ADAMTS17: variants seen among roughly 807,000 people sequenced by gnomAD.
ADAMTS17 encodes the protein ADAM metallopeptidase with thrombospondin type 1 motif 17, also known as A disintegrin and metalloproteinase with thrombospondin motifs 17.
In ADAMTS17, 113 loss-of-function variants were observed where a neutral mutation model predicts 141.5. That is an observed-to-expected ratio of 0.80 (90% CI 0.69 to 0.93). The LOEUF is 0.93. ADAMTS17 is among the 40% of genes least tolerant of loss of function. The probability of loss-of-function intolerance (pLI) is 0.00; values close to 1 mark genes in which losing one functional copy is unlikely to be tolerated. For missense variants in ADAMTS17, 1,659 were observed against 1,517.9 expected, an observed-to-expected ratio of 1.09 and a Z score of -1.54; for synonymous variants, 768 against 630.6, an observed-to-expected ratio of 1.22 and a Z score of -3.27.
chr15:100,033,857 G>A (rs1267523346), intron 18 of ADAMTS17, among the ~76,000 whole-genome samples: 1 of 152,168 alleles, frequency 6.6e-6, no homozygotes, highest in South Asian at 2.1e-4. Flanking sequence ...CTGTGGCCCA[G>A]CAAGGCCCAA....
intron 3 of ADAMTS17, among the ~76,000 whole-genome samples, chr15:100,316,491 G>C (rs528664981): frequency 6.6e-6 from 1 of 152,068 alleles, no homozygotes. Context: ...CAACAATCTT[G>C]ACACACACTC....
At chr15:99,984,186 C>T (rs578174495) in intron 20 of ADAMTS17, among the ~76,000 whole-genome samples, 49 of 152,290 alleles carry the variant, frequency 3.2e-4, no homozygotes, top group African/African-American at 1.1e-3. Context: ...GCCAGGGAAC[C>T]AGGAGGCTGA....
intron 6 of ADAMTS17, among the ~76,000 whole-genome samples, chr15:100,259,384 G>A (rs142556909): frequency 1.1e-3 from 160 of 152,300 alleles, no homozygotes; most frequent in Middle Eastern, 0.01. Context: ...CCTCACAGTC[G>A]CCAAATGCCA....
chr15:100,048,421 C>T (rs926009409), intron 18 of ADAMTS17, among the ~76,000 whole-genome samples: 5 of 152,026 alleles, frequency 3.3e-5, no homozygotes, highest in African/African-American at 1.2e-4. Flanking sequence ...GAATAAACAC[C>T]AAGATCCACA....
chr15:100,148,691 T>A (rs4965287), intron 10 of ADAMTS17, among the ~76,000 whole-genome samples: 146,524 of 152,148 alleles, frequency 0.96, 70,778 homozygotes, highest in East Asian at 1. Flanking sequence ...TTTCATTATA[T>A]TGAGTATTTT....
At chr15:100,241,503 A>G (rs754846477) in intron 7 of ADAMTS17, among the ~76,000 whole-genome samples, 2 of 152,216 alleles carry the variant, frequency 1.3e-5, no homozygotes, top group African/African-American at 2.4e-5. Context: ...TCAGTGTCTC[A>G]ACACACTTTA....
chr15:100,072,126 A>G (rs952865812), intron 15 of ADAMTS17, among the ~76,000 whole-genome samples: 2 of 150,136 alleles, frequency 1.3e-5, no homozygotes, highest in Non-Finnish European at 3.0e-5. Flanking sequence ...ATAAACAGAG[A>G]GCCAAATCAT....
intron 15 of ADAMTS17, among the ~76,000 whole-genome samples, chr15:100,061,159 A>G (rs1348555778): frequency 1.3e-5 from 2 of 152,322 alleles, no homozygotes; most frequent in South Asian, 4.1e-4. Flanking sequence ...TGGCAACAAC[A>G]GGCAGGTTTA....
chr15:100,230,481 G>T (rs1409182197), intron 7 of ADAMTS17, among the ~76,000 whole-genome samples: 1 of 152,200 alleles, frequency 6.6e-6, no homozygotes, highest in African/African-American at 2.4e-5. Flanking sequence ...GCCAGCAATG[G>T]TGCAAGGAGA....
chr15:100,107,482 G>A (rs553548583), intron 14 of ADAMTS17, among the ~76,000 whole-genome samples: 40 of 152,308 alleles, frequency 2.6e-4, no homozygotes, highest in African/African-American at 8.2e-4. Context: ...ACAGGAACGC[G>A]TATGTGTGGC....
chr15:100,031,200 G>A (rs777619629), intron 18 of ADAMTS17, among the ~76,000 whole-genome samples: 7 of 152,202 alleles, frequency 4.6e-5, no homozygotes, highest in African/African-American at 7.2e-5. Flanking sequence ...ATGTGAAGCT[G>A]CCCCTGGGTG....
At chr15:100,004,746 G>C (rs1279439671) in intron 18 of ADAMTS17, among the ~76,000 whole-genome samples, 1 of 151,422 alleles carries the variant, frequency 6.6e-6, no homozygotes, top group African/African-American at 2.4e-5. Flanking sequence ...TCAGCCTCCT[G>C]AGTAGCTGGC....
intron 17 of ADAMTS17, among the ~76,000 whole-genome samples, chr15:100,049,484 C>G (rs1370486327): frequency 6.6e-6 from 1 of 152,202 alleles, no homozygotes; most frequent in Non-Finnish European, 1.5e-5. Flanking sequence ...ATCCTCTAGA[C>G]AGGCATTCCA....
At chr15:100,006,397 C>T (rs2061036986) in intron 18 of ADAMTS17, among the ~76,000 whole-genome samples, 1 of 152,176 alleles carries the variant, frequency 6.6e-6, no homozygotes, top group Admixed American at 6.5e-5. Context: ...CTTGATTTGG[C>T]TGAGATTTAA....
intron 14 of ADAMTS17, among the ~76,000 whole-genome samples, chr15:100,100,837 C>T (rs992421721): frequency 2.2e-4 from 34 of 152,154 alleles, no homozygotes; most frequent in African/African-American, 7.5e-4. Flanking sequence ...TAAGACCCTC[C>T]ATGATCTCAT....
intron 4 of ADAMTS17, among the ~76,000 whole-genome samples, chr15:100,269,592 CG>C (rs1181132363): frequency 1.3e-5 from 2 of 152,182 alleles, no homozygotes; most frequent in Admixed American, 6.5e-5. Context: ...TCACTCTGCC[CG>C]CCCTCGCAGC....
intron 12 of ADAMTS17, among the ~76,000 whole-genome samples, chr15:100,121,683 A>G (rs1280663905): frequency 6.6e-6 from 1 of 152,086 alleles, no homozygotes; most frequent in Non-Finnish European, 1.5e-5. Context: ...CCTGCATTAC[A>G]ATAAATGCTA....
intron 8 of ADAMTS17, among the ~76,000 whole-genome samples, chr15:100,161,724 C>T (rs1200597583): frequency 6.6e-6 from 1 of 152,194 alleles, no homozygotes; most frequent in Non-Finnish European, 1.5e-5. Flanking sequence ...TCTTGAGCTA[C>T]TCAGAAATGC....
At chr15:100,144,278 G>A (rs1356117118) in intron 10 of ADAMTS17, among the ~76,000 whole-genome samples, 3 of 152,148 alleles carry the variant, frequency 2.0e-5, no homozygotes, top group Non-Finnish European at 2.9e-5. Context: ...GTGGCTGGGC[G>A]TGGTGGCTCA....
Sources: gnomAD v4.1 joint callset for allele counts (sites outside exome capture counted in the v4.1 genomes callset) on GRCh38, gnomAD v4.1.1 for gene constraint, MANE v1.5 for transcripts, NCBI Gene and HGNC (gene_info 2026-07-23, HGNC 2026-07-21) for gene names.